Variants in KLHL32 observed in about 807,000 individuals in gnomAD.
KLHL32 encodes kelch-like protein 32.
KLHL32 carries 35 observed loss-of-function variants against 64.8 expected under a neutral mutation model. The ratio of observed to expected loss-of-function variants is 0.54; its 90% CI spans 0.41 to 0.72. The LOEUF (loss-of-function observed/expected upper bound fraction) is 0.72, where lower values mean the gene tolerates loss of function less well. Ranked by LOEUF, KLHL32 falls within the 30% of genes least tolerant of loss-of-function variation. The pLI is 0.00. For synonymous variants in KLHL32, 259 were observed against 281.0 expected, an observed-to-expected ratio of 0.92 and a Z score of 0.78; for missense variants, 589 against 768.5, an observed-to-expected ratio of 0.77 and a Z score of 2.76.
At chr6:97,116,323 C>G (rs565904669) in intron 7 of KLHL32, among the ~76,000 whole-genome samples, 4 of 151,948 alleles carry the variant, frequency 2.6e-5, no homozygotes, top group Admixed American at 6.5e-5. Context: ...TAATAACCAC[C>G]AAGACTATAT....
chr6:97,137,448 A>G (rs766919776), intron 10 of KLHL32, among the ~76,000 whole-genome samples: 4 of 152,150 alleles, frequency 2.6e-5, no homozygotes, highest in Non-Finnish European at 5.9e-5. Flanking sequence ...TTATTCTAGG[A>G]CTTCTTAGTA....
At chr6:97,028,307 T>G (rs1169866195) in intron 3 of KLHL32, among the ~76,000 whole-genome samples, 1 of 152,134 alleles carries the variant, frequency 6.6e-6, no homozygotes, top group East Asian at 1.9e-4. Context: ...ATCTCTAAAG[T>G]GTTAACATTC....
chr6:97,074,476 C>T (rs1791272527), intron 5 of KLHL32, among the ~76,000 whole-genome samples: 2 of 152,006 alleles, frequency 1.3e-5, no homozygotes, highest in South Asian at 4.2e-4. Flanking sequence ...GCTATGTATG[C>T]TTCATAGCAT....
At chr6:97,014,128 A>G (rs1780787440) in intron 3 of KLHL32, among the ~76,000 whole-genome samples, 1 of 152,000 alleles carries the variant, frequency 6.6e-6, no homozygotes, top group Non-Finnish European at 1.5e-5. Context: ...CCCCGTCTCT[A>G]CTAAAAATAC....
intron 6 of KLHL32, among the ~76,000 whole-genome samples, chr6:97,098,895 A>G (rs1017265134): frequency 2.6e-5 from 4 of 152,244 alleles, no homozygotes; most frequent in Admixed American, 2.0e-4. Flanking sequence ...AGAGAAGTGC[A>G]TCAGTCAAGT....
rs34529041 is a variant in KLHL32, at chr6:97,132,055, A to G, written c.1607-598A>G. Among the ~76,000 whole-genome samples, 93 of 152,306 alleles carry G rather than the reference A, an allele frequency of 6.1e-4. 1 individual carries two copies. The highest frequency in any genetic ancestry group is 2.2e-3 in the African/African-American group (92 of 41,560). On this transcript the variant is annotated intron_variant, in intron 9 of 10. Coordinates refer to ENST00000369261, the MANE Select transcript of KLHL32 (RefSeq NM_052904.4). Reference sequence around the variant, plus strand: ...TTTGAAATGGGAGGGGAAACCTTTCATCATTTTGGCGTGTCAGCATCTAGG... The same window carrying G: ...TTTGAAATGGGAGGGGAAACCTTTCGTCATTTTGGCGTGTCAGCATCTAGG...
chr6:97,053,150 G>T (rs572166959), intron 4 of KLHL32, among the ~76,000 whole-genome samples: 1 of 151,826 alleles, frequency 6.6e-6, no homozygotes, highest in South Asian at 2.1e-4. Flanking sequence ...CTTTTCTCTT[G>T]CTTTGAGTTA....
chr6:97,087,953 A>G (rs1793675645), intron 6 of KLHL32, among the ~76,000 whole-genome samples: 1 of 152,102 alleles, frequency 6.6e-6, no homozygotes. Flanking sequence ...GGATCTGTGA[A>G]CCTGTAAAAT....
intron 10 of KLHL32, among the ~76,000 whole-genome samples, chr6:97,136,727 C>T (rs1387876545): frequency 6.6e-6 from 1 of 152,236 alleles, no homozygotes; most frequent in Non-Finnish European, 1.5e-5. Flanking sequence ...CAAACGCCTT[C>T]TTTCAGCCAG....
intron 1 of KLHL32, among the ~76,000 whole-genome samples, chr6:96,939,753 C>T (rs147139297): frequency 1.3e-5 from 2 of 152,084 alleles, no homozygotes; most frequent in African/African-American, 4.8e-5. Context: ...ATCAGAAATG[C>T]CGAGAAGCCA....
At chr6:96,988,174 G>C (rs1056801734) in intron 3 of KLHL32, among the ~76,000 whole-genome samples, 1 of 152,118 alleles carries the variant, frequency 6.6e-6, no homozygotes, top group East Asian at 1.9e-4. Flanking sequence ...GCAACCTACA[G>C]AATGGGAGAA....
rs1785278616 is a variant in KLHL32, at chr6:97,042,527, A to G, written c.312+928A>G. On this transcript the variant is annotated intron_variant, in intron 4 of 10. Coordinates refer to ENST00000369261, the MANE Select transcript of KLHL32 (RefSeq NM_052904.4). ...TAATTAGCAAATAATAATTGTATATACTTATGTGATGTAAATGTGATGTTC... is the reference window on the plus strand; with the variant it reads ...TAATTAGCAAATAATAATTGTATATGCTTATGTGATGTAAATGTGATGTTC... 2.0e-5 allele frequency among the ~76,000 whole-genome samples: 3 copies of G among 152,120 alleles called. No individual in the cohort carries two copies. The South Asian group carries it at 6.2e-4, about 31-fold the overall frequency.
At chr6:96,958,743 A>AT (rs761865407) in intron 1 of KLHL32, among the ~76,000 whole-genome samples, 14,985 of 151,984 alleles carry the variant, frequency 0.099, 776 homozygotes, top group Middle Eastern at 0.16. Context: ...ATGTTTCCCC[A>AT]CCCATTGGAA....
intron 3 of KLHL32, among the ~76,000 whole-genome samples, chr6:96,981,741 A>G (rs1267984690): frequency 1.3e-5 from 2 of 152,196 alleles, no homozygotes; most frequent in East Asian, 3.9e-4. Flanking sequence ...AGAGATGCTC[A>G]TGTGTTGTAT....
chr6:97,004,177 G>A (rs767674002), intron 3 of KLHL32, among the ~76,000 whole-genome samples: 3 of 151,916 alleles, frequency 2.0e-5, no homozygotes, highest in Non-Finnish European at 2.9e-5. Context: ...TGTAAATCTT[G>A]TAGAGATCTT....
At chr6:97,016,272 C>T (rs750128383) in intron 3 of KLHL32, among the ~76,000 whole-genome samples, 1 of 152,248 alleles carries the variant, frequency 6.6e-6, no homozygotes, top group Non-Finnish European at 1.5e-5. Flanking sequence ...ACATTCAATG[C>T]AAGCCCATGA....
chr6:96,955,881 G>A (rs1488926427), intron 1 of KLHL32, among the ~76,000 whole-genome samples: 2 of 152,160 alleles, frequency 1.3e-5, no homozygotes, highest in African/African-American at 2.4e-5. Context: ...AGGTTGCAGT[G>A]AGCCAAGATT....
At chr6:96,960,398 C>T (rs543861279) in intron 1 of KLHL32, among the ~76,000 whole-genome samples, 2 of 152,266 alleles carry the variant, frequency 1.3e-5, no homozygotes, top group African/African-American at 2.4e-5. Flanking sequence ...ATCCTAAGAT[C>T]GTATGTAAGG....
intron 4 of KLHL32, among the ~76,000 whole-genome samples, chr6:97,063,128 A>G (rs1322979434): frequency 1.3e-5 from 2 of 152,244 alleles, no homozygotes; most frequent in African/African-American, 2.4e-5. Flanking sequence ...AGTCTGGTTG[A>G]TATTATTAAA....
Sources: allele counts gnomAD v4.1 joint callset (sites outside exome capture counted in the v4.1 genomes callset), GRCh38; gene constraint gnomAD v4.1.1; transcripts MANE v1.5; gene names NCBI Gene and HGNC (gene_info 2026-07-23, HGNC 2026-07-21).